LRRC4C: variants seen among roughly 807,000 people sequenced by gnomAD.
The protein encoded by LRRC4C is leucine-rich repeat-containing protein 4C.
Under a neutral mutation model 33.6 loss-of-function variants are expected in LRRC4C, and 5 were observed. The observed-to-expected ratio is 0.15, with a 90% CI of 0.08 to 0.31. The LOEUF (loss-of-function observed/expected upper bound fraction) is 0.31. Among genes scored for constraint, LRRC4C ranks in the 10% least tolerant of loss-of-function variants. The pLI, the probability that LRRC4C is intolerant of heterozygous loss-of-function variation, is 1.00. For missense variants in LRRC4C, 560 were observed against 796.7 expected, an observed-to-expected ratio of 0.70 and a Z score of 3.58; for synonymous variants, 329 against 302.0, an observed-to-expected ratio of 1.09 and a Z score of -0.93.
intron 3 of LRRC4C, among the ~76,000 whole-genome samples, chr11:40,404,791 T>C (rs1402492051): frequency 1.3e-5 from 2 of 152,104 alleles, no homozygotes; most frequent in Non-Finnish European, 2.9e-5. Flanking sequence ...ATCATGATGT[T>C]GCAAATACTC....
At chr11:41,055,907 A>G (rs569943195) in intron 1 of LRRC4C, among the ~76,000 whole-genome samples, 1 of 152,298 alleles carries the variant, frequency 6.6e-6, no homozygotes. Context: ...CCTACCTCAA[A>G]TAGAAAAAAT....
At chr11:41,293,943 C>T (rs1324357200) in intron 1 of LRRC4C, among the ~76,000 whole-genome samples, 1 of 152,120 alleles carries the variant, frequency 6.6e-6, no homozygotes, top group Non-Finnish European at 1.5e-5. Flanking sequence ...CACATATGTG[C>T]ACACACAAAG....
At chr11:40,678,194 G>A (rs1440769399) in intron 2 of LRRC4C, among the ~76,000 whole-genome samples, 2 of 151,652 alleles carry the variant, frequency 1.3e-5, no homozygotes, top group African/African-American at 4.8e-5. Context: ...TGTTACAAAG[G>A]TATATCGTGT....
rs186791908 is a variant in LRRC4C, at chr11:40,418,783, A to G, written c.-269-99062T>C. Reference sequence around the variant, plus strand: ...CACCATTGAATACTATGCAGCCATAAAAAGGAGTGAGATCATGTCCTTTGC... The same window carrying G: ...CACCATTGAATACTATGCAGCCATAGAAAGGAGTGAGATCATGTCCTTTGC... On this transcript the variant is annotated intron_variant, in intron 3 of 6. Coordinates refer to ENST00000528697, the MANE Select transcript of LRRC4C (RefSeq NM_001258419.2). Among the ~76,000 whole-genome samples, 139 of 152,324 alleles carry G rather than the reference A, an allele frequency of 9.1e-4. 1 individual carries two copies. Among genetic ancestry groups the G allele is most frequent in the Admixed American group, 9.0e-3 (138 of 15,294 alleles).
rs12576626 is a variant in LRRC4C at position 40,396,239 on chromosome 11, T to A, written c.-269-76518A>T. Among the ~76,000 whole-genome samples the A allele has an allele frequency of 1.6e-3, 245 of 152,244 alleles. 6 individuals are homozygous for A. The East Asian group carries it at 0.032, about 20-fold the overall frequency. On this transcript the variant is annotated intron_variant, in intron 3 of 6. Coordinates refer to ENST00000528697, the MANE Select transcript of LRRC4C (RefSeq NM_001258419.2). The stretch of plus-strand genomic sequence containing the variant: ...AGAATTGTTTCTGTTTTTTATTATT[T>A]TTTTTTCTTATTGATTACTACACAT...
At chr11:41,191,576 T>C (rs1461231119) in intron 1 of LRRC4C, among the ~76,000 whole-genome samples, 2 of 152,136 alleles carry the variant, frequency 1.3e-5, no homozygotes, top group Admixed American at 6.6e-5. Flanking sequence ...ATTGCAAAGA[T>C]ATTAGGTCAT....
intron 1 of LRRC4C, among the ~76,000 whole-genome samples, chr11:41,012,286 A>G (rs1407887459): frequency 1.3e-5 from 2 of 152,050 alleles, no homozygotes; most frequent in African/African-American, 4.8e-5. Context: ...CTCTCTCTCC[A>G]TAAGATATAC....
At chr11:40,644,964 T>G (rs1942357280) in intron 3 of LRRC4C, among the ~76,000 whole-genome samples, 1 of 151,860 alleles carries the variant, frequency 6.6e-6, no homozygotes, top group Admixed American at 6.6e-5. Flanking sequence ...TTTTTACAAC[T>G]ACATGTGAAT....
At chr11:41,133,976 T>C (rs893194782) in intron 1 of LRRC4C, among the ~76,000 whole-genome samples, 2 of 152,216 alleles carry the variant, frequency 1.3e-5, no homozygotes, top group Non-Finnish European at 2.9e-5. Context: ...TCCTGAAGTA[T>C]ATAAATCCAC....
At chr11:40,218,692 A>ATCT (rs1864171604) in intron 5 of LRRC4C, among the ~76,000 whole-genome samples, 1 of 140,014 alleles carries the variant, frequency 7.1e-6, no homozygotes, top group South Asian at 2.5e-4. Flanking sequence ...AATGATAAAG[A>ATCT]ATCTATCTAT....
chr11:40,238,289 T>A (rs1042738062), intron 5 of LRRC4C, among the ~76,000 whole-genome samples: 4 of 152,184 alleles, frequency 2.6e-5, no homozygotes, highest in Non-Finnish European at 5.9e-5. Flanking sequence ...TTTCCTGACA[T>A]GTTCTTAAAT....
intron 1 of LRRC4C, among the ~76,000 whole-genome samples, chr11:41,052,804 T>C (rs1858336279): frequency 6.6e-6 from 1 of 152,208 alleles, no homozygotes; most frequent in Non-Finnish European, 1.5e-5. Flanking sequence ...ATTTGATCAT[T>C]CTTCAGTTTA....
chr11:41,094,730 T>G (rs1940695336), intron 1 of LRRC4C, among the ~76,000 whole-genome samples: 1 of 152,174 alleles, frequency 6.6e-6, no homozygotes, highest in Non-Finnish European at 1.5e-5. Flanking sequence ...CTATACAAGA[T>G]CAAAGCATTT....
At chr11:41,038,647 C>T (rs2137935033) in intron 1 of LRRC4C, among the ~76,000 whole-genome samples, 1 of 152,314 alleles carries the variant, frequency 6.6e-6, no homozygotes, top group African/African-American at 2.4e-5. Context: ...CATTTAGAGA[C>T]TGTCACTAGG....
chr11:40,173,814 A>G (rs1420383505), intron 5 of LRRC4C, among the ~76,000 whole-genome samples: 2 of 152,198 alleles, frequency 1.3e-5, no homozygotes, highest in Non-Finnish European at 2.9e-5. Context: ...AGTCAGTTAT[A>G]GATGATGAGA....
chr11:41,244,233 A>G lies in LRRC4C; in HGVS notation c.-496+215198T>C, dbSNP rs538521942. Among the ~76,000 whole-genome samples the G allele has an allele frequency of 2.0e-5, 3 of 149,804 alleles. No homozygotes were observed. In the East Asian group the frequency reaches 5.8e-4, roughly 29 times the overall value. On this transcript the variant is annotated intron_variant, in intron 1 of 6. Transcript: ENST00000528697. Reference sequence around the variant, plus strand: ...AGAAAGAGAGAGAGAAGAAGGAAGAAAAGAGGGCAGGAAAAACAAAGAAAG... The same window carrying G: ...AGAAAGAGAGAGAGAAGAAGGAAGAGAAGAGGGCAGGAAAAACAAAGAAAG...
chr11:40,272,945 A>C (rs1223094648), intron 4 of LRRC4C, among the ~76,000 whole-genome samples: 1 of 151,590 alleles, frequency 6.6e-6, no homozygotes, highest in Non-Finnish European at 1.5e-5. Flanking sequence ...ATTAAGACTC[A>C]AAATAGTGAC....
chr11:40,390,443 C>A (rs1311981147), intron 3 of LRRC4C, among the ~76,000 whole-genome samples: 3 of 152,164 alleles, frequency 2.0e-5, no homozygotes, highest in African/African-American at 7.2e-5. Context: ...AATAGGAAAT[C>A]TAAAAAATCA....
chr11:41,197,045 A>G (rs947335971), intron 1 of LRRC4C, among the ~76,000 whole-genome samples: 3 of 152,132 alleles, frequency 2.0e-5, no homozygotes, highest in African/African-American at 7.2e-5. Flanking sequence ...TAAGAAACAG[A>G]GCTACTGGTA....
Sources: gnomAD v4.1 joint callset for allele counts (sites outside exome capture counted in the v4.1 genomes callset) on GRCh38, gnomAD v4.1.1 for gene constraint, MANE v1.5 for transcripts, NCBI Gene and HGNC (gene_info 2026-07-23, HGNC 2026-07-21) for gene names.